The following PTPN13 variants were observed in gnomAD, a reference collection of about 807,000 sequenced individuals.
PTPN13 encodes protein tyrosine phosphatase non-receptor type 13, also known as tyrosine-protein phosphatase non-receptor type 13.
Under a neutral mutation model 284.0 loss-of-function variants are expected in PTPN13, and 191 were observed. That is an observed-to-expected ratio of 0.67 (90% CI 0.60 to 0.76). PTPN13 has a LOEUF of 0.76. PTPN13 is among the 30% of genes least tolerant of loss of function. The probability of loss-of-function intolerance (pLI) is 0.00; values close to 1 mark genes in which losing one functional copy is unlikely to be tolerated. For synonymous variants in PTPN13, 986 were observed against 1,022.3 expected, an observed-to-expected ratio of 0.96 and a Z score of 0.68; for missense variants, 2,797 against 2,939.9, an observed-to-expected ratio of 0.95 and a Z score of 1.12.
intron 23 of PTPN13, among the ~76,000 whole-genome samples, chr4:86,759,963 A>T (rs1383812807): frequency 6.6e-6 from 1 of 152,056 alleles, no homozygotes; most frequent in African/African-American, 2.4e-5. Context: ...AAGAATTAGT[A>T]AAAAAAATTA....
chr4:86,718,903 TG>T, intron 9 of PTPN13, among the ~76,000 whole-genome samples: 1 of 152,322 alleles, frequency 6.6e-6, no homozygotes, highest in South Asian at 2.1e-4. Flanking sequence ...ACTGTGTCCT[TG>T]TGATGACCCC....
intron 10 of PTPN13, among the ~76,000 whole-genome samples, chr4:86,730,539 G>T (rs2149122088): frequency 6.7e-6 from 1 of 149,998 alleles, no homozygotes; most frequent in African/African-American, 2.4e-5. Context: ...CGACCAGGCT[G>T]CAGCCTCGGA....
chr4:86,650,033 TG>T (rs1724897571), intron 2 of PTPN13, among the ~76,000 whole-genome samples: 1 of 152,332 alleles, frequency 6.6e-6, no homozygotes, highest in East Asian at 1.9e-4. Flanking sequence ...TCACCCCGGC[TG>T]GAGTCCAATG....
Position 86,759,149 on chromosome 4 carries a change from A to G in PTPN13, c.3553+76A>G. ...TTCCTTTTTAGTGATATTCGCACAA[A>G]AATGGATTCATTGTGTACAAAATTG... On this transcript the variant is annotated intron_variant, in intron 23 of 47. Coordinates refer to ENST00000411767, the MANE Select transcript of PTPN13 (RefSeq NM_080683.3). 2.1e-6 allele frequency: 3 copies of G among 1,463,176 alleles called. No individual in the cohort carries two copies. In the South Asian group the frequency reaches 4.0e-5, roughly 20 times the overall value. The allele number at this position is 1,463,176 out of a possible 1,614,324, so 90.6% of individuals were successfully genotyped here. A position where few individuals can be genotyped will look rare whatever the true frequency, so the allele number is the denominator to read the frequency against.
At position 86,796,901 on chromosome 4, in the gene PTPN13, T is replaced by C. The variant is rs1743402758; in HGVS notation, c.6373T>C (p.Tyr2125His). The C allele has an allele frequency of 2.0e-6, 3 of 1,490,534 alleles. No individual in the cohort carries two copies. The highest frequency in any genetic ancestry group is 2.8e-6 in the Non-Finnish European group (3 of 1,081,554). 92.3% of individuals were successfully genotyped at this position (1,490,534 alleles called of 1,614,324 possible). Reference protein sequence around the residue: ...EATKMNGCEEYCEEKVKSESL... With the variant: ...EATKMNGCEEHCEEKVKSESL... ...CACCAAAATGAATGGCTGTGAAGAATATTGTGAAGAAAAAGTAAAAAGTGA... is the reference window on the plus strand; with the variant it reads ...CACCAAAATGAATGGCTGTGAAGAACATTGTGAAGAAAAAGTAAAAAGTGA... Residue 2125 changes from tyrosine (Y) to histidine (H), a missense_variant, in exon 41 of 48, where the codon TAT becomes CAT. Physicochemically the swap from Tyr to His is moderately conservative, Grantham distance 83. Transcript: ENST00000411767.
chr4:86,730,557 C>T, intron 10 of PTPN13, among the ~76,000 whole-genome samples: 1 of 149,866 alleles, frequency 6.7e-6, no homozygotes, highest in East Asian at 1.9e-4. Context: ...GGAAGTTGAT[C>T]TCAGATTGCT....
chr4:86,658,208 G>C (rs1726078300), intron 2 of PTPN13, among the ~76,000 whole-genome samples: 1 of 152,174 alleles, frequency 6.6e-6, no homozygotes, highest in Non-Finnish European at 1.5e-5. Flanking sequence ...TCCTACCTGT[G>C]TTGTGTTCTG....
At chr4:86,686,594 T>A in intron 3 of PTPN13, 116 bp from the exon 4 acceptor site, 8 of 695,684 alleles carry the variant, frequency 1.1e-5, no homozygotes, top group Non-Finnish European at 1.9e-5. Flanking sequence ...AAATGATGAT[T>A]TTCTCAAATT....
chr4:86,710,119 CTT>C (rs2149044104), intron 7 of PTPN13, among the ~76,000 whole-genome samples: 1 of 152,248 alleles, frequency 6.6e-6, no homozygotes, highest in African/African-American at 2.4e-5. Flanking sequence ...GAAAAGAACA[CTT>C]AATATATGAA....
chr4:86,785,618 T>G (rs1741809460), intron 39 of PTPN13, among the ~76,000 whole-genome samples: 1 of 152,138 alleles, frequency 6.6e-6, no homozygotes, highest in Non-Finnish European at 1.5e-5. Flanking sequence ...GTAGGGTTAG[T>G]CCAAACATTT....
chr4:86,669,134 C>A (rs1290642740), intron 2 of PTPN13, among the ~76,000 whole-genome samples: 1 of 151,452 alleles, frequency 6.6e-6, no homozygotes, highest in Admixed American at 6.6e-5. Flanking sequence ...GAAATTAATT[C>A]TTTATTGTAG....
At chr4:86,798,255 A>G (rs1446529574) in intron 41 of PTPN13, among the ~76,000 whole-genome samples, 1 of 152,238 alleles carries the variant, frequency 6.6e-6, no homozygotes, top group African/African-American at 2.4e-5. Flanking sequence ...AGAACTCTCC[A>G]GTGAAGCTTT....
intron 2 of PTPN13, among the ~76,000 whole-genome samples, chr4:86,651,099 GT>G (rs1200281203): frequency 7.9e-5 from 12 of 152,136 alleles, no homozygotes; most frequent in African/African-American, 2.6e-4. Flanking sequence ...CTTCTATACT[GT>G]TTGTCAAGAG....
chr4:86,749,137 A>G (rs1485011121), intron 17 of PTPN13, among the ~76,000 whole-genome samples: 5 of 152,048 alleles, frequency 3.3e-5, no homozygotes, highest in Non-Finnish European at 5.9e-5. Flanking sequence ...ATGTTTTCCT[A>G]CCTCTTTATG....
At chr4:86,636,507 T>A (rs965538747) in intron 2 of PTPN13, among the ~76,000 whole-genome samples, 12 of 152,138 alleles carry the variant, frequency 7.9e-5, no homozygotes, top group Non-Finnish European at 1.5e-5. Context: ...CAAAAAAGCC[T>A]GACAGAAATA....
intron 23 of PTPN13, among the ~76,000 whole-genome samples, chr4:86,760,897 T>C (rs1738592467): frequency 6.6e-6 from 1 of 152,052 alleles, no homozygotes; most frequent in Non-Finnish European, 1.5e-5. Context: ...ATTACCAATG[T>C]GTATTCTAGC....
chr4:86,681,468 G>A (rs1728882639), intron 3 of PTPN13, among the ~76,000 whole-genome samples: 1 of 152,146 alleles, frequency 6.6e-6, no homozygotes, highest in South Asian at 2.1e-4. Flanking sequence ...TAAATATCCT[G>A]CAATTTACAG....
At position 86,812,334 on chromosome 4, in the gene PTPN13, G is replaced by C. The variant is rs1004850371; in HGVS notation, c.7362+1226G>C. On this transcript the variant is annotated intron_variant, in intron 47 of 47. Transcript: ENST00000411767. ...CAAAAAAAAAAAAAAAAAAAAAAAA[G>C]GAACTCTTCTAGGTGCCTGGAGCAC... Among the ~76,000 whole-genome samples the C allele has an allele frequency of 2.7e-4, 35 of 131,064 alleles. 1 individual carries two copies. The highest frequency in any genetic ancestry group is 9.0e-4 in the African/African-American group (34 of 37,660). 86.0% of individuals were successfully genotyped at this position (131,064 alleles called of 152,430 possible). A position where few individuals can be genotyped will look rare whatever the true frequency, so the allele number is the denominator to read the frequency against.
In PTPN13 at chr4:86,774,762, C is replaced by A. The variant is rs892288257; in HGVS notation, c.5508+231C>A. On this transcript the variant is annotated intron_variant, in intron 33 of 47. Coordinates refer to ENST00000411767, the MANE Select transcript of PTPN13 (RefSeq NM_080683.3). Reference sequence around the variant, plus strand: ...TAAGTTCTAGGGTACATGTGCACAACGTGCAGGTTTGTTACATATGTATAC... The same window carrying A: ...TAAGTTCTAGGGTACATGTGCACAAAGTGCAGGTTTGTTACATATGTATAC... 2.7e-5 allele frequency among the ~76,000 whole-genome samples: 4 copies of A among 150,898 alleles called. No individual in the cohort carries two copies. In the South Asian group the frequency reaches 8.3e-4, roughly 31 times the overall value.
Sources: gnomAD v4.1 joint callset for allele counts (sites outside exome capture counted in the v4.1 genomes callset) on GRCh38, gnomAD v4.1.1 for gene constraint, MANE v1.5 for transcripts, NCBI Gene and HGNC (gene_info 2026-07-23, HGNC 2026-07-21) for gene names.